Variants in CAST observed in about 807,000 individuals in gnomAD.
CAST encodes MIR583 host.
In CAST, 76 loss-of-function variants were observed where a neutral mutation model predicts 119.6. The ratio of observed to expected loss-of-function variants is 0.64; its 90% confidence interval spans 0.53 to 0.77. The LOEUF (loss-of-function observed/expected upper bound fraction) is 0.77. CAST is among the 30% of genes least tolerant of loss of function. CAST has a pLI of 0.00. For missense variants in CAST, 953 were observed against 946.5 expected (o/e 1.01, Z -0.09); for synonymous variants, 319 against 331.6 (o/e 0.96, Z 0.41).
chr5:95,989,521 T>TA, the CAST span, among the ~76,000 whole-genome samples: 1 of 152,208 alleles, frequency 6.6e-6, no homozygotes, highest in Admixed American at 6.5e-5. Flanking sequence ...TGAACACTGC[T>TA]AATTGCTGAA....
At chr5:96,714,424 TAAAGA>T (rs1756832592) in intron 3 of CAST, among the ~76,000 whole-genome samples, 1 of 152,166 alleles carries the variant, frequency 6.6e-6, no homozygotes, top group African/African-American at 2.4e-5. Flanking sequence ...TTTTTACAAA[TAAAGA>T]AAAGGTGCGC....
At chr5:96,624,780 T>C (rs1224923395) in intron 1 of CAST, among the ~76,000 whole-genome samples, 1 of 152,220 alleles carries the variant, frequency 6.6e-6, no homozygotes, top group East Asian at 1.9e-4. Flanking sequence ...AGGTTTCCCA[T>C]AGGGCATTAC....
chr5:96,010,712 A>G, the CAST span, among the ~76,000 whole-genome samples: 1 of 152,210 alleles, frequency 6.6e-6, no homozygotes, highest in East Asian at 1.9e-4. Context: ...CATTTAAACA[A>G]TATTGATTCT....
At chr5:96,111,673 G>T in the CAST span, among the ~76,000 whole-genome samples, 3 of 152,166 alleles carry the variant, frequency 2.0e-5, no homozygotes, top group Non-Finnish European at 4.4e-5. Flanking sequence ...AGGAACTGGG[G>T]ACAAAGACCA....
At chr5:96,231,003 G>A in the CAST span, among the ~76,000 whole-genome samples, 1 of 152,070 alleles carries the variant, frequency 6.6e-6, no homozygotes, top group African/African-American at 2.4e-5. Flanking sequence ...AAAGGATGTA[G>A]AAAAATTGGA....
At chr5:96,354,612 A>C in the CAST span, among the ~76,000 whole-genome samples, 1 of 151,354 alleles carries the variant, frequency 6.6e-6, no homozygotes, top group African/African-American at 2.4e-5. Flanking sequence ...TCTTTGAATA[A>C]CATGTTTATA....
At chr5:96,556,363 T>C (rs955064947) in intron 1 of CAST, among the ~76,000 whole-genome samples, 5 of 152,210 alleles carry the variant, frequency 3.3e-5, no homozygotes, top group African/African-American at 1.2e-4. Context: ...GGACGGAGAA[T>C]GACTTTGACG....
chr5:96,556,667 T>TA (rs1397117065), intron 1 of CAST, among the ~76,000 whole-genome samples: 1 of 151,954 alleles, frequency 6.6e-6, no homozygotes, highest in Non-Finnish European at 1.5e-5. Context: ...GAAAAAAGAA[T>TA]AAAAAGAAAT....
At chr5:96,674,208 C>T (rs998843534) in intron 1 of CAST, among the ~76,000 whole-genome samples, 20 of 152,056 alleles carry the variant, frequency 1.3e-4, no homozygotes, top group Non-Finnish European at 1.5e-5. Context: ...TAAACACCAT[C>T]AAATCACTAT....
intron 20 of CAST, 72 bp from the exon 21 acceptor site, chr5:96,753,988 C>A (rs540074506): frequency 5.8e-5 from 49 of 849,756 alleles, no homozygotes; most frequent in Non-Finnish European, 8.9e-5. Context: ...ATATGCCTTT[C>A]TGAATTGATA....
At chr5:96,692,554 T>C (rs1281088346) in intron 2 of CAST, among the ~76,000 whole-genome samples, 1 of 152,208 alleles carries the variant, frequency 6.6e-6, no homozygotes, top group Non-Finnish European at 1.5e-5. Flanking sequence ...TCCTCCTGCT[T>C]ACCAAGCCCA....
chr5:96,452,184 A>G, the CAST span, among the ~76,000 whole-genome samples: 1 of 152,182 alleles, frequency 6.6e-6, no homozygotes, highest in Non-Finnish European at 1.5e-5. Flanking sequence ...ATAAAGACAT[A>G]TGTACATGGA....
the CAST span, among the ~76,000 whole-genome samples, chr5:96,268,424 T>A: frequency 6.6e-6 from 1 of 151,978 alleles, no homozygotes; most frequent in Non-Finnish European, 1.5e-5. Context: ...AAAAAAATTT[T>A]ATAATTAGCT....
At chr5:96,213,490 T>G in the CAST span, 3 of 152,104 alleles carry the variant, frequency 2.0e-5, no homozygotes, top group Non-Finnish European at 4.4e-5. Context: ...TATCTGATAT[T>G]AAAAACATTG....
chr5:96,581,165 C>T (rs1404723674), intron 1 of CAST, among the ~76,000 whole-genome samples: 1 of 152,194 alleles, frequency 6.6e-6, no homozygotes, highest in African/African-American at 2.4e-5. Flanking sequence ...AAAGGTCAAC[C>T]TTTAATTAGC....
chr5:96,757,390 A>G, intron 22 of CAST, 54 bp from the exon 23 acceptor site: 1 of 1,501,956 alleles, frequency 6.7e-7, no homozygotes, highest in Non-Finnish European at 9.3e-7. Context: ...AAGGTTTCAT[A>G]CTTTGGATAA....
chr5:96,412,385 T>C, the CAST span: 2 of 1,614,132 alleles, frequency 1.2e-6, no homozygotes, highest in Admixed American at 1.7e-5. Flanking sequence ...TTTCCCATCA[T>C]CATTAGGGCC....
chr5:96,180,093 C>T, the CAST span, among the ~76,000 whole-genome samples: 1 of 151,998 alleles, frequency 6.6e-6, no homozygotes, highest in African/African-American at 2.4e-5. Context: ...GAGACATGTT[C>T]AGGAGTTGCA....
At chr5:96,115,037 T>A in the CAST span, among the ~76,000 whole-genome samples, 8 of 152,350 alleles carry the variant, frequency 5.3e-5, no homozygotes, top group East Asian at 1.5e-3. Flanking sequence ...AAATGGCCCA[T>A]GTAAAATATA....
Sources: gnomAD v4.1 joint callset for allele counts (sites outside exome capture counted in the v4.1 genomes callset) on GRCh38, gnomAD v4.1.1 for gene constraint, MANE v1.5 for transcripts, NCBI Gene and HGNC (gene_info 2026-07-23, HGNC 2026-07-21) for gene names.